Variants in CUX1 observed in about 807,000 individuals in gnomAD.
CUX1 encodes the protein protein CASP.
Under a neutral mutation model 158.8 loss-of-function variants are expected in CUX1, and 31 were observed. The observed-to-expected ratio is 0.20, with a 90% CI of 0.15 to 0.26. The LOEUF is 0.26. Ranked by LOEUF, CUX1 falls within the 10% of genes least tolerant of loss-of-function variation. The probability of loss-of-function intolerance (pLI) is 1.00; values close to 1 mark genes in which losing one functional copy is unlikely to be tolerated. For synonymous variants in CUX1, 879 were observed against 862.1 expected, an observed-to-expected ratio of 1.02 and a Z score of -0.34; for missense variants, 1,589 against 2,014.6, an observed-to-expected ratio of 0.79 and a Z score of 4.04.
intron 3 of CUX1, among the ~76,000 whole-genome samples, chr7:102,048,426 G>A (rs141047041): frequency 1.1e-3 from 163 of 152,274 alleles, no homozygotes; most frequent in Non-Finnish European, 1.3e-3. Context: ...AGGGTCACTC[G>A]GTTGGAAGGC....
At chr7:102,148,813 C>A (rs115077926) in intron 8 of CUX1, among the ~76,000 whole-genome samples, 12 of 151,124 alleles carry the variant, frequency 7.9e-5, no homozygotes, top group African/African-American at 2.7e-4. Context: ...ACACTGCACC[C>A]AATATATAGT....
chr7:101,829,502 C>T (rs573283113), intron 1 of CUX1, among the ~76,000 whole-genome samples: 1 of 152,212 alleles, frequency 6.6e-6, no homozygotes, highest in East Asian at 1.9e-4. Flanking sequence ...GGTTACATCC[C>T]GGACTTTGCT....
intron 20 of CUX1, among the ~76,000 whole-genome samples, chr7:102,206,742 C>A (rs911830432): frequency 1.3e-5 from 2 of 152,044 alleles, no homozygotes; most frequent in South Asian, 2.1e-4. Flanking sequence ...ACTAAAGATA[C>A]AAAAAAATTA....
At chr7:101,979,138 C>CG in intron 2 of CUX1, among the ~76,000 whole-genome samples, 1 of 152,254 alleles carries the variant, frequency 6.6e-6, no homozygotes, top group Non-Finnish European at 1.5e-5. Flanking sequence ...TGTAGGCTCT[C>CG]GGGAACATGT....
chr7:101,862,122 A>G (rs149619122), intron 1 of CUX1, among the ~76,000 whole-genome samples: 12 of 152,328 alleles, frequency 7.9e-5, no homozygotes, highest in Middle Eastern at 3.4e-3. Flanking sequence ...GGCATGAGCC[A>G]CTGTGCCCGG....
chr7:101,904,819 T>C (rs1414802662), intron 1 of CUX1, among the ~76,000 whole-genome samples: 1 of 152,170 alleles, frequency 6.6e-6, no homozygotes, highest in Non-Finnish European at 1.5e-5. Context: ...TCCCCCTGCC[T>C]TGCCCTCCCA....
intron 8 of CUX1, among the ~76,000 whole-genome samples, chr7:102,116,391 T>C (rs527667909): frequency 1.4e-4 from 22 of 152,314 alleles, no homozygotes; most frequent in African/African-American, 4.8e-4. Flanking sequence ...CTAGATCAGC[T>C]ACTCTCTTCT....
chr7:102,231,865 C>A (rs1308184891), intron 21 of CUX1, among the ~76,000 whole-genome samples: 1 of 151,788 alleles, frequency 6.6e-6, no homozygotes, highest in Admixed American at 6.6e-5. Context: ...AGGGGCCCAC[C>A]ACCACGCCCA....
intron 8 of CUX1, 138 bp downstream of exon 8, chr7:102,115,411 G>A (rs782746503): frequency 1.3e-5 from 9 of 675,842 alleles, no homozygotes; most frequent in South Asian, 8.5e-5. Context: ...TACTTGCGTC[G>A]GTTCAATGCA....
intron 2 of CUX1, among the ~76,000 whole-genome samples, chr7:102,001,823 G>A (rs1194895374): frequency 6.6e-6 from 1 of 152,198 alleles, no homozygotes; most frequent in East Asian, 1.9e-4. Flanking sequence ...CATCACAGGT[G>A]TGCTCGAAGC....
chr7:101,902,647 C>T (rs896789457), intron 1 of CUX1, among the ~76,000 whole-genome samples: 1 of 152,154 alleles, frequency 6.6e-6, no homozygotes, highest in Non-Finnish European at 1.5e-5. Context: ...TTCTCTGTGC[C>T]GGATGCAGCT....
intron 3 of CUX1, among the ~76,000 whole-genome samples, chr7:102,062,573 C>T (rs1239808462): frequency 3.9e-5 from 6 of 152,098 alleles, no homozygotes; most frequent in Non-Finnish European, 7.4e-5. Context: ...TGCAGTGGTG[C>T]AATCATAGCT....
At chr7:101,937,180 C>T (rs894445455) in intron 2 of CUX1, among the ~76,000 whole-genome samples, 10 of 152,256 alleles carry the variant, frequency 6.6e-5, no homozygotes, top group African/African-American at 2.4e-4. Flanking sequence ...GTGTGTGCTG[C>T]GTGGCCCCCT....
chr7:102,159,035 C>T (rs1479667184), intron 9 of CUX1, among the ~76,000 whole-genome samples: 2 of 143,252 alleles, frequency 1.4e-5, no homozygotes, highest in Admixed American at 1.4e-4. Context: ...CATCTCACCA[C>T]GGTGTTATCC....
intron 1 of CUX1, among the ~76,000 whole-genome samples, chr7:101,878,036 C>T (rs1262822722): frequency 1.3e-5 from 2 of 152,112 alleles, no homozygotes; most frequent in Admixed American, 1.3e-4. Context: ...GCCAGATTAC[C>T]CACACTTAGC....
chr7:102,262,833 C>T (rs1328083957), downstream of CUX1, among the ~76,000 whole-genome samples: 2 of 152,110 alleles, frequency 1.3e-5, no homozygotes, highest in Non-Finnish European at 2.9e-5. Flanking sequence ...CTAATACATA[C>T]CGAAGGCTGA....
chr7:102,022,187 C>T (rs977128249), intron 2 of CUX1, among the ~76,000 whole-genome samples: 4 of 152,154 alleles, frequency 2.6e-5, no homozygotes, highest in South Asian at 4.1e-4. Context: ...CACTGCATGA[C>T]GATTTTGTCT....
chr7:101,938,808 A>C (rs891951403), intron 2 of CUX1, among the ~76,000 whole-genome samples: 1 of 152,074 alleles, frequency 6.6e-6, no homozygotes, highest in African/African-American at 2.4e-5. Context: ...TGGGAGGCTG[A>C]GGCGGGCAGA....
chr7:101,938,144 A>C, intron 2 of CUX1, among the ~76,000 whole-genome samples: 1 of 147,672 alleles, frequency 6.8e-6, no homozygotes. Flanking sequence ...AGACAGTCTC[A>C]CTCTGTCACT....
Sources: allele counts gnomAD v4.1 joint callset (sites outside exome capture counted in the v4.1 genomes callset), GRCh38; gene constraint gnomAD v4.1.1; transcripts MANE v1.5; gene names NCBI Gene and HGNC (gene_info 2026-07-23, HGNC 2026-07-21).